ASTN1: variants seen among roughly 807,000 people sequenced by gnomAD.
ASTN1 encodes the protein astrotactin-1.
In ASTN1, 41 loss-of-function variants were observed where a neutral mutation model predicts 140.7. The ratio of observed to expected loss-of-function variants is 0.29; its 90% CI spans 0.23 to 0.38. The LOEUF (loss-of-function observed/expected upper bound fraction) is 0.38. Ranked by LOEUF, ASTN1 falls within the 10% of genes least tolerant of loss-of-function variation. The pLI is 1.00. For synonymous variants in ASTN1, 640 were observed against 652.2 expected (o/e 0.98, Z 0.29); for missense variants, 1,479 against 1,678.8 (o/e 0.88, Z 2.08).
intron 8 of ASTN1, among the ~76,000 whole-genome samples, chr1:177,008,151 A>G (rs903674900): frequency 2.6e-5 from 4 of 152,100 alleles, no homozygotes; most frequent in African/African-American, 9.7e-5. Flanking sequence ...ACTTTCAAGC[A>G]CTCAGTTCCT....
intron 8 of ASTN1, among the ~76,000 whole-genome samples, chr1:177,006,783 C>T (rs1675019740): frequency 6.6e-6 from 1 of 152,068 alleles, no homozygotes; most frequent in Non-Finnish European, 1.5e-5. Flanking sequence ...GACAGAGCCT[C>T]CCCCCTCCTC....
At chr1:176,999,697 A>T (rs766363210) in intron 8 of ASTN1, among the ~76,000 whole-genome samples, 1 of 151,456 alleles carries the variant, frequency 6.6e-6, no homozygotes, top group African/African-American at 2.4e-5. Context: ...CAAAATACAC[A>T]CATGTCAGTA....
At chr1:176,943,791 G>T in intron 14 of ASTN1, 100 bp downstream of exon 14, 2 of 1,389,834 alleles carry the variant, frequency 1.4e-6, no homozygotes, top group Non-Finnish European at 9.5e-7. Context: ...GAAATCACTG[G>T]CTTAGAAACC....
At chr1:176,936,464 A>G (rs1312450171) in intron 14 of ASTN1, 94 bp from the exon 15 acceptor site, 1 of 910,358 alleles carries the variant, frequency 1.1e-6, no homozygotes, top group African/African-American at 1.7e-5. Context: ...GAAGTGTTGT[A>G]ATTGTGAGAA....
intron 8 of ASTN1, among the ~76,000 whole-genome samples, chr1:176,992,983 C>T (rs964685955): frequency 1.3e-5 from 2 of 152,172 alleles, no homozygotes; most frequent in African/African-American, 4.8e-5. Context: ...GGATTGGCTT[C>T]GTTACGAGAA....
At chr1:176,884,080 T>C (rs1197435203) in intron 19 of ASTN1, among the ~76,000 whole-genome samples, 1 of 152,170 alleles carries the variant, frequency 6.6e-6, no homozygotes, top group East Asian at 1.9e-4. Context: ...GGACACCTCT[T>C]TTATAAACAA....
At chr1:177,125,270 C>T (rs1485755067) in intron 1 of ASTN1, among the ~76,000 whole-genome samples, 2 of 152,066 alleles carry the variant, frequency 1.3e-5, no homozygotes, top group Non-Finnish European at 2.9e-5. Flanking sequence ...GAAGGCAATC[C>T]AAGTATAGAG....
At chr1:177,036,487 G>A (rs1676725708) in intron 2 of ASTN1, among the ~76,000 whole-genome samples, 3 of 152,190 alleles carry the variant, frequency 2.0e-5, no homozygotes, top group African/African-American at 7.2e-5. Context: ...ATTGGTGACA[G>A]ATGTCAAAAT....
intron 1 of ASTN1, among the ~76,000 whole-genome samples, chr1:177,109,228 T>G (rs1199741225): frequency 6.6e-6 from 1 of 152,134 alleles, no homozygotes; most frequent in Non-Finnish European, 1.5e-5. Flanking sequence ...ATTAAAAGAA[T>G]CTGCTTGAAG....
chr1:177,024,273 A>G (rs1055683752), intron 6 of ASTN1, among the ~76,000 whole-genome samples: 1 of 152,166 alleles, frequency 6.6e-6, no homozygotes, highest in Non-Finnish European at 1.5e-5. Flanking sequence ...AGGCTAAGGG[A>G]GTCTTGGTGC....
chr1:176,969,022 G>A (rs1673015280), intron 8 of ASTN1, among the ~76,000 whole-genome samples: 1 of 152,078 alleles, frequency 6.6e-6, no homozygotes, highest in Non-Finnish European at 1.5e-5. Context: ...GAAAAGGCGG[G>A]GCAAAGTAAT....
intron 8 of ASTN1, among the ~76,000 whole-genome samples, chr1:177,009,056 A>G (rs1675153401): frequency 6.6e-6 from 1 of 152,220 alleles, no homozygotes; most frequent in African/African-American, 2.4e-5. Context: ...GAGTCACCTC[A>G]GAAAAGACTT....
rs373306821 is a variant in ASTN1 at position 176,949,631 on chromosome 1, G to A, written c.1888-280C>T. ...GAGAGCACTGTAGCAAGACACAGCC[G>A]AGGTGTACTGGCCTCCCAAATGGGC... On this transcript the variant is annotated intron_variant, in intron 11 of 22. Coordinates refer to ENST00000361833, the MANE Select transcript of ASTN1 (RefSeq NM_004319.3). 2.6e-5 allele frequency among the ~76,000 whole-genome samples: 4 copies of A among 152,212 alleles called. No homozygotes were observed. In the East Asian group the frequency reaches 5.8e-4, roughly 22 times the overall value.
In ASTN1 at chr1:176,862,112, T is replaced by C; in HGVS notation, c.*2172A>G. On this transcript the variant is annotated 3_prime_UTR_variant, in exon 23 of 23. Coordinates refer to ENST00000361833, the MANE Select transcript of ASTN1 (RefSeq NM_004319.3). Reference sequence around the variant, plus strand: ...CCCTGTCTGATTGGCCTGTCACATCTTCTCTGGCAATGGTGAAATATTTGC... The same window carrying C: ...CCCTGTCTGATTGGCCTGTCACATCCTCTCTGGCAATGGTGAAATATTTGC... 11 of 985,466 alleles carry C rather than the reference T, an allele frequency of 1.1e-5. No homozygotes were observed. The highest frequency in any genetic ancestry group is 1.3e-5 in the Non-Finnish European group (11 of 829,944). The allele number at this position is 985,466 out of a possible 1,614,324, so 61.0% of individuals were successfully genotyped here.
At chr1:177,041,521 A>C (rs61813297) in intron 2 of ASTN1, among the ~76,000 whole-genome samples, 8,504 of 152,240 alleles carry the variant, frequency 0.056, 337 homozygotes, top group Non-Finnish European at 0.083. Flanking sequence ...AGCCCTTCAA[A>C]ACTTCACAAG....
intron 1 of ASTN1, among the ~76,000 whole-genome samples, chr1:177,131,595 G>A (rs1681945339): frequency 6.6e-6 from 1 of 151,896 alleles, no homozygotes; most frequent in Admixed American, 6.6e-5. Flanking sequence ...GAAAAACCAA[G>A]ATTTTTAAAA....
At chr1:176,885,579 T>G (rs757148533) in intron 18 of ASTN1, among the ~76,000 whole-genome samples, 2 of 152,110 alleles carry the variant, frequency 1.3e-5, no homozygotes, top group Non-Finnish European at 2.9e-5. Flanking sequence ...TCATGATCAC[T>G]CATATTCCTG....
chr1:177,083,350 G>A (rs941758285), intron 1 of ASTN1, among the ~76,000 whole-genome samples: 2 of 152,030 alleles, frequency 1.3e-5, no homozygotes, highest in African/African-American at 2.4e-5. Context: ...CCAACATCAG[G>A]AGATGATGGT....
At chr1:177,050,727 A>C (rs777081906) in intron 2 of ASTN1, among the ~76,000 whole-genome samples, 3 of 152,158 alleles carry the variant, frequency 2.0e-5, no homozygotes, top group Non-Finnish European at 4.4e-5. Flanking sequence ...TTCACCCTAA[A>C]CTTTATCAGC....
Sources: gnomAD v4.1 joint callset for allele counts (sites outside exome capture counted in the v4.1 genomes callset) on GRCh38, gnomAD v4.1.1 for gene constraint, MANE v1.5 for transcripts, NCBI Gene and HGNC (gene_info 2026-07-23, HGNC 2026-07-21) for gene names.